The following SLC39A11 variants were observed in gnomAD, a reference collection of about 807,000 sequenced individuals.
SLC39A11 encodes the protein solute carrier family 39 member 11.
Under a neutral mutation model 36.1 loss-of-function variants are expected in SLC39A11, and 33 were observed. That is an observed-to-expected ratio of 0.91 (90% CI 0.69 to 1.22). The LOEUF is 1.22. SLC39A11 is among the 50% of genes most tolerant of loss of function. The pLI is 0.00. For synonymous variants in SLC39A11, 166 were observed against 170.3 expected (o/e 0.97, Z 0.20); for missense variants, 432 against 430.3 (o/e 1.00, Z -0.03).
chr17:72,782,314 C>G (rs73352999), intron 6 of SLC39A11, among the ~76,000 whole-genome samples: 5,591 of 152,208 alleles, frequency 0.037, 318 homozygotes, highest in African/African-American at 0.12. Context: ...CCAGAAGGAA[C>G]CAACCCTGCA....
chr17:72,899,386 T>C (rs2082201583), intron 5 of SLC39A11, among the ~76,000 whole-genome samples: 1 of 152,172 alleles, frequency 6.6e-6, no homozygotes, highest in Non-Finnish European at 1.5e-5. Context: ...ATCGTAATTA[T>C]TTACATTGTT....
intron 5 of SLC39A11, among the ~76,000 whole-genome samples, chr17:72,897,987 A>G (rs2082115580): frequency 6.6e-6 from 1 of 152,160 alleles, no homozygotes; most frequent in Admixed American, 6.5e-5. Flanking sequence ...GAAACGTAGG[A>G]GAGTCTGGAA....
intron 5 of SLC39A11, among the ~76,000 whole-genome samples, chr17:72,876,086 T>G (rs1005645040): frequency 1.3e-5 from 2 of 152,198 alleles, no homozygotes; most frequent in African/African-American, 4.8e-5. Context: ...TCACACTGCC[T>G]TATAGGGTAG....
chr17:72,848,796 G>C (rs1452532614), intron 6 of SLC39A11, among the ~76,000 whole-genome samples: 1 of 151,632 alleles, frequency 6.6e-6, no homozygotes, highest in African/African-American at 2.4e-5. Flanking sequence ...ATTTCAGAAA[G>C]ATGCCCACAT....
At chr17:72,812,223 C>G (rs1039919954) in intron 6 of SLC39A11, among the ~76,000 whole-genome samples, 1 of 152,158 alleles carries the variant, frequency 6.6e-6, no homozygotes, top group Non-Finnish European at 1.5e-5. Flanking sequence ...GAGATCCTTT[C>G]GGAGGGAAGA....
At chr17:72,665,828 CATTT>C (rs1240781202) in intron 7 of SLC39A11, among the ~76,000 whole-genome samples, 1 of 151,862 alleles carries the variant, frequency 6.6e-6, no homozygotes, top group African/African-American at 2.4e-5. Flanking sequence ...CTTTTGATAG[CATTT>C]ATTATCTCCT....
At position 72,949,766 on chromosome 17, in the gene SLC39A11, A is replaced by T. The variant is rs374168575; in HGVS notation, c.307-1891T>A. On this transcript the variant is annotated intron_variant, in intron 4 of 9. Transcript: ENST00000255559. ...CAAACATTTTCAGGCCACAGCACCA[A>T]GCAGAAATAGGTCCAAACAAACACA... Among the ~76,000 whole-genome samples the T allele has an allele frequency of 2.2e-3, 338 of 152,152 alleles. 3 individuals are homozygous for T. Among genetic ancestry groups the T allele is most frequent in the African/African-American group, 7.7e-3 (320 of 41,506 alleles).
intron 7 of SLC39A11, among the ~76,000 whole-genome samples, chr17:72,724,802 T>TAAA (rs35176237): frequency 2.8e-5 from 4 of 144,370 alleles, no homozygotes; most frequent in African/African-American, 1.0e-4. Flanking sequence ...GCTCAACTGC[T>TAAA]AAAAAAAAAA....
intron 7 of SLC39A11, among the ~76,000 whole-genome samples, chr17:72,692,318 C>T (rs576629354): frequency 3.5e-4 from 54 of 152,274 alleles, no homozygotes; most frequent in African/African-American, 1.1e-3. Flanking sequence ...ACCAAAATAG[C>T]GCATTTTTAT....
chr17:72,899,708 T>C (rs562252040), intron 5 of SLC39A11, among the ~76,000 whole-genome samples: 89 of 152,264 alleles, frequency 5.8e-4, no homozygotes, highest in African/African-American at 1.9e-3. Context: ...ATGCCTGTAA[T>C]CCCAGCACTT....
intron 5 of SLC39A11, among the ~76,000 whole-genome samples, chr17:72,881,618 T>A (rs2081198265): frequency 6.6e-6 from 1 of 151,764 alleles, no homozygotes; most frequent in Non-Finnish European, 1.5e-5. Flanking sequence ...AAAATTTTTA[T>A]TTTTTTTTAC....
At chr17:73,057,107 T>G (rs934476040) in intron 3 of SLC39A11, among the ~76,000 whole-genome samples, 45 of 152,092 alleles carry the variant, frequency 3.0e-4, no homozygotes, top group East Asian at 1.9e-4. Context: ...CCTGCAACCA[T>G]GCCCAGTTAA....
intron 6 of SLC39A11, among the ~76,000 whole-genome samples, chr17:72,842,844 G>A (rs1190716575): frequency 6.6e-6 from 1 of 152,168 alleles, no homozygotes; most frequent in Non-Finnish European, 1.5e-5. Flanking sequence ...TCTTTTTACT[G>A]CGCCTGCCTG....
intron 7 of SLC39A11, among the ~76,000 whole-genome samples, chr17:72,683,331 T>C (rs2071588695): frequency 6.9e-6 from 1 of 145,466 alleles, no homozygotes; most frequent in Admixed American, 6.9e-5. Flanking sequence ...TCCTTGAGAC[T>C]AATTTTTTTT....
intron 5 of SLC39A11, among the ~76,000 whole-genome samples, chr17:72,871,899 GT>G (rs1411266376): frequency 2.0e-5 from 3 of 152,198 alleles, no homozygotes; most frequent in Non-Finnish European, 4.4e-5. Context: ...GGGCAATCTT[GT>G]GGGATGTAGC....
At chr17:73,068,136 T>G in intron 3 of SLC39A11, 1 of 1,334,398 alleles carries the variant, frequency 7.5e-7, no homozygotes, top group Non-Finnish European at 1.1e-6. Context: ...ATTTTTTTCT[T>G]GGTGTCGCCA....
rs200152449 is a variant in SLC39A11, at chr17:73,031,687, G to A, written c.175C>T (p.Leu59Phe). The A allele has an allele frequency of 9.0e-5, 146 of 1,613,940 alleles. No homozygotes were observed. The highest frequency in any genetic ancestry group is 1.2e-4 in the Non-Finnish European group (140 of 1,180,038). Residue 59 changes from leucine to phenylalanine, a missense_variant, in exon 4 of 10, where the codon CTT becomes TTT. Coordinates refer to ENST00000255559, the MANE Select transcript of SLC39A11 (RefSeq NM_139177.4). ...GVMLAASYWS[L>F]LAPAVEMATS... The stretch of plus-strand genomic sequence containing the variant: ...GCCATCTCAACTGCTGGGGCCAGAA[G>A]AGACCAATAGGAAGCTGCCAACATG...
At chr17:72,869,554 T>G (rs2146347945) in intron 5 of SLC39A11, among the ~76,000 whole-genome samples, 1 of 152,282 alleles carries the variant, frequency 6.6e-6, no homozygotes, top group East Asian at 1.9e-4. Flanking sequence ...CATGCCCAGC[T>G]AATTTTTGTA....
Position 73,081,517 on chromosome 17 carries a change from G to A in SLC39A11, c.147+3291C>T, listed in dbSNP as rs1030039697. Among the ~76,000 whole-genome samples the A allele has an allele frequency of 2.0e-5, 3 of 151,390 alleles. No individual in the cohort carries two copies. In the Admixed American group the frequency reaches 2.0e-4, roughly 10 times the overall value. ...AAGTCATTACACAAAAAACATACTT[G>A]CACACACGTGTTTATAGCAACACAA... On this transcript the variant is annotated intron_variant, in intron 3 of 9. Transcript: ENST00000255559.
Sources: gnomAD v4.1 joint callset for allele counts (sites outside exome capture counted in the v4.1 genomes callset) on GRCh38, gnomAD v4.1.1 for gene constraint, MANE v1.5 for transcripts, NCBI Gene and HGNC (gene_info 2026-07-23, HGNC 2026-07-21) for gene names.